The following CC2D2B variants were observed in gnomAD, a reference collection of about 807,000 sequenced individuals.
CC2D2B encodes the protein coiled-coil and C2 domain containing 2B.
In CC2D2B, 128 loss-of-function variants were observed where a neutral mutation model predicts 161.2. The ratio of observed to expected loss-of-function variants is 0.79; its 90% CI spans 0.69 to 0.92. The LOEUF (loss-of-function observed/expected upper bound fraction) is 0.92, where lower values mean the gene tolerates loss of function less well. Ranked by LOEUF, CC2D2B falls within the 40% of genes least tolerant of loss-of-function variation. The pLI, the probability that CC2D2B is intolerant of heterozygous loss-of-function variation, is 0.00. For missense variants in CC2D2B, 1,173 were observed against 1,375.1 expected (o/e 0.85, Z 2.32); for synonymous variants, 391 against 449.8 (o/e 0.87, Z 1.65).
chr10:95,930,346 G>A (rs2098547751), intron 6 of CC2D2B, among the ~76,000 whole-genome samples: 1 of 152,204 alleles, frequency 6.6e-6, no homozygotes, highest in Non-Finnish European at 1.5e-5. Flanking sequence ...TGCAAACAGA[G>A]ACAATTTGAC....
intron 14 of CC2D2B, among the ~76,000 whole-genome samples, chr10:95,967,173 T>A (rs2076968137): frequency 6.6e-6 from 1 of 152,164 alleles, no homozygotes; most frequent in South Asian, 2.1e-4. Flanking sequence ...CCACCCACTT[T>A]CTGACCAGAG....
intron 6 of CC2D2B, among the ~76,000 whole-genome samples, chr10:95,931,365 T>C (rs1452881336): frequency 6.6e-6 from 1 of 152,190 alleles, no homozygotes. Flanking sequence ...GAAGAGTTTT[T>C]TGTGTCTCTA....
At chr10:95,923,540 C>G (rs949951173) in intron 3 of CC2D2B, among the ~76,000 whole-genome samples, 1 of 152,022 alleles carries the variant, frequency 6.6e-6, no homozygotes. Flanking sequence ...TTCAAGTAAC[C>G]AGGCTTTGAT....
At chr10:96,026,870 C>T (rs930829232) in intron 33 of CC2D2B, among the ~76,000 whole-genome samples, 1 of 152,180 alleles carries the variant, frequency 6.6e-6, no homozygotes, top group Non-Finnish European at 1.5e-5. Context: ...CACCTGTAAT[C>T]CCAGCACTTT....
chr10:95,924,122 A>G (rs1159684549), intron 3 of CC2D2B, among the ~76,000 whole-genome samples, 192 bp from the exon 4 acceptor site: 1 of 152,246 alleles, frequency 6.6e-6, no homozygotes, highest in Non-Finnish European at 1.5e-5. Flanking sequence ...TATTTATTCC[A>G]GATGGAAAAG....
At chr10:96,024,663 A>G (rs1176723595) in intron 32 of CC2D2B, among the ~76,000 whole-genome samples, 190 bp from the exon 33 acceptor site, 1 of 152,104 alleles carries the variant, frequency 6.6e-6, no homozygotes, top group African/African-American at 2.4e-5. Flanking sequence ...CCCATCCCCC[A>G]TCCCCTATTC....
At chr10:96,019,530 G>A (rs993372638) in intron 31 of CC2D2B, 172 bp from the exon 32 acceptor site, 7 of 793,178 alleles carry the variant, frequency 8.8e-6, no homozygotes, top group African/African-American at 8.8e-5. Flanking sequence ...AACCGTTGAG[G>A]TAGTCTAATG....
chr10:95,928,659 T>C (rs1260324720), intron 6 of CC2D2B, among the ~76,000 whole-genome samples: 1 of 152,162 alleles, frequency 6.6e-6, no homozygotes, highest in Non-Finnish European at 1.5e-5. Context: ...CATGCGGTGT[T>C]TGGTTTTCTG....
intron 2 of CC2D2B, among the ~76,000 whole-genome samples, chr10:95,916,089 T>G (rs1177302195): frequency 6.6e-6 from 1 of 152,142 alleles, no homozygotes; most frequent in Non-Finnish European, 1.5e-5. Flanking sequence ...TTATTATTGG[T>G]CTATTCAAGT....
At chr10:95,924,629 T>G (rs2098535035) in intron 4 of CC2D2B, 150 bp from the exon 5 acceptor site, 5 of 619,446 alleles carry the variant, frequency 8.1e-6, no homozygotes, top group Admixed American at 3.0e-5. Context: ...TAAATGACAT[T>G]TCAGTATGTC....
At chr10:95,940,189 ATCTCATGAGAAC>A (rs1418787682) in intron 9 of CC2D2B, among the ~76,000 whole-genome samples, 1 of 152,108 alleles carries the variant, frequency 6.6e-6, no homozygotes, top group Non-Finnish European at 1.5e-5. Context: ...GAATGACTAG[ATCTCATGAGAAC>A]TCTATCACCA....
intron 18 of CC2D2B, 110 bp downstream of exon 18, chr10:95,982,223 G>A (rs1048154460): frequency 2.7e-6 from 2 of 731,702 alleles, no homozygotes; most frequent in Non-Finnish European, 1.9e-6. Context: ...GGCTCTTGGG[G>A]TTATGTAAAA....
intron 7 of CC2D2B, 106 bp downstream of exon 7, chr10:95,938,295 A>G: frequency 1.3e-6 from 1 of 758,688 alleles, no homozygotes; most frequent in Non-Finnish European, 2.1e-6. Context: ...CTAAAATTAT[A>G]GTAACTTTTC....
chr10:95,988,419 C>T (rs747533234), intron 20 of CC2D2B, 77 bp downstream of exon 20: 210 of 577,490 alleles, frequency 3.6e-4, no homozygotes, highest in Middle Eastern at 5.7e-4. Flanking sequence ...GTATTATAGT[C>T]CTTCCAGAGA....
At chr10:95,910,453 T>A (rs548426553) in intron 1 of CC2D2B, among the ~76,000 whole-genome samples, 13 of 151,748 alleles carry the variant, frequency 8.6e-5, no homozygotes, top group African/African-American at 2.9e-4. Flanking sequence ...AGAGAGGAAA[T>A]AAAGGAAGGA....
intron 17 of CC2D2B, among the ~76,000 whole-genome samples, chr10:95,977,938 T>C (rs1359297127): frequency 6.6e-6 from 1 of 152,204 alleles, no homozygotes; most frequent in Non-Finnish European, 1.5e-5. Flanking sequence ...TGAGGAGTTA[T>C]TTTTTAATGT....
intron 12 of CC2D2B, 73 bp from the exon 13 acceptor site, chr10:95,965,823 T>TGTGTGTG (rs2076923008): frequency 5.4e-6 from 2 of 367,868 alleles, no homozygotes; most frequent in African/African-American, 5.2e-5. Context: ...GTGTGTGTGT[T>TGTGTGTG]GGCAAAATCT....
intron 14 of CC2D2B, 46 bp from the exon 15 acceptor site, chr10:95,968,678 C>T (rs757701760): frequency 1.6e-5 from 12 of 742,292 alleles, no homozygotes; most frequent in Admixed American, 4.3e-5. Context: ...TATGTTATGT[C>T]TGTTGTACTT....
chr10:95,970,533 CAG>C (rs2077090677), intron 15 of CC2D2B, among the ~76,000 whole-genome samples: 1 of 152,140 alleles, frequency 6.6e-6, no homozygotes, highest in Non-Finnish European at 1.5e-5. Context: ...TGACAGTTGT[CAG>C]GGGACAAGAC....
Sources: allele counts gnomAD v4.1 joint callset (sites outside exome capture counted in the v4.1 genomes callset), GRCh38; gene constraint gnomAD v4.1.1; transcripts MANE v1.5; gene names NCBI Gene and HGNC (gene_info 2026-07-23, HGNC 2026-07-21).